ANKDD1A: variants seen among roughly 807,000 people sequenced by gnomAD.
ANKDD1A encodes ankyrin repeat and death domain-containing protein 1A.
A neutral mutation model predicts 63.5 loss-of-function variants in ANKDD1A; 59 were observed. The ratio of observed to expected loss-of-function variants is 0.93; its 90% CI spans 0.75 to 1.15. The LOEUF is 1.15. Ranked by LOEUF, ANKDD1A falls within the 50% of genes most tolerant of loss-of-function variation. The pLI is 0.00. For synonymous variants in ANKDD1A, 266 were observed against 263.9 expected (o/e 1.01, Z -0.08); for missense variants, 632 against 656.4 (o/e 0.96, Z 0.41).
At chr15:64,946,889 C>T (rs2085227407) in intron 12 of ANKDD1A, among the ~76,000 whole-genome samples, 1 of 152,168 alleles carries the variant, frequency 6.6e-6, no homozygotes, top group African/African-American at 2.4e-5. Context: ...CTGTGGGCAT[C>T]ATTTATGCTA....
At chr15:64,926,542 G>T (rs1389652798) in intron 5 of ANKDD1A, among the ~76,000 whole-genome samples, 1 of 152,114 alleles carries the variant, frequency 6.6e-6, no homozygotes, top group Non-Finnish European at 1.5e-5. Flanking sequence ...TTAGGGACAG[G>T]AAAGGGCTCT....
chr15:64,937,046 G>C (rs1359417636), intron 9 of ANKDD1A, among the ~76,000 whole-genome samples: 1 of 152,134 alleles, frequency 6.6e-6, no homozygotes, highest in Non-Finnish European at 1.5e-5. Context: ...GTTTTGCCAA[G>C]TGGATTGACA....
intron 14 of ANKDD1A, among the ~76,000 whole-genome samples, chr15:64,951,944 T>C (rs1239052577): frequency 2.0e-5 from 3 of 149,396 alleles, no homozygotes; most frequent in African/African-American, 7.4e-5. Context: ...TTTCTTTTCT[T>C]CTTCTTCTTT....
chr15:64,945,221 A>G (rs748718695), intron 12 of ANKDD1A, among the ~76,000 whole-genome samples: 3 of 152,118 alleles, frequency 2.0e-5, no homozygotes, highest in Non-Finnish European at 4.4e-5. Flanking sequence ...CCAGTTAGCA[A>G]ATGGAGGTAG....
At position 64,922,010 on chromosome 15, in the gene ANKDD1A, T is replaced by C; in HGVS notation, c.357T>C (p.Cys119=). 1 of 1,614,144 alleles carries C rather than the reference T, an allele frequency of 6.2e-7. No homozygotes were observed. The highest frequency in any genetic ancestry group is 8.5e-7 in the Non-Finnish European group (1 of 1,179,994). The change falls in exon 4 of 15, where the codon TGT becomes TGC. Residue 119 remains cysteine, a synonymous_variant. Transcript: ENST00000319580. ...TAAACTCAGGGGCCAAGATCCACTG[T>C]GAGAGCAAGGTAAGGCCTCAGCTGG... ...ILVNSGAKIH[C]ESKDGLTLLH... is the part of the protein sequence containing the mutation.
intron 3 of ANKDD1A, among the ~76,000 whole-genome samples, chr15:64,921,688 T>C (rs1437380986): frequency 5.9e-5 from 9 of 152,204 alleles, no homozygotes; most frequent in Non-Finnish European, 1.3e-4. Flanking sequence ...AGCTGTCTTA[T>C]TTTTAAGTTT....
At chr15:64,942,741 C>A (rs2085194754) in intron 10 of ANKDD1A, among the ~76,000 whole-genome samples, 176 bp downstream of exon 10, 1 of 147,366 alleles carries the variant, frequency 6.8e-6, no homozygotes, top group African/African-American at 2.5e-5. Flanking sequence ...TCATTTTGTT[C>A]ATCATTCCCC....
intron 14 of ANKDD1A, among the ~76,000 whole-genome samples, chr15:64,956,278 A>G (rs1006576808): frequency 3.2e-4 from 46 of 143,862 alleles, no homozygotes; most frequent in East Asian, 1.0e-3. Flanking sequence ...GGCCGGGCGC[A>G]GTGGCTCATG....
intron 11 of ANKDD1A, 121 bp from the exon 12 acceptor site, chr15:64,944,529 GCT>G: frequency 1.2e-6 from 1 of 800,654 alleles, no homozygotes; most frequent in Non-Finnish European, 1.9e-6. Flanking sequence ...AAACCTTTCT[GCT>G]CTCAGCGTAG....
At chr15:64,953,590 T>TTC (rs2085348473) in intron 14 of ANKDD1A, among the ~76,000 whole-genome samples, 2 of 118,942 alleles carry the variant, frequency 1.7e-5, no homozygotes, top group African/African-American at 5.5e-5. Context: ...TTCTTCTTCC[T>TTC]TCTCCTTTTC....
At chr15:64,922,132 C>T in intron 4 of ANKDD1A, 113 bp downstream of exon 4, 2 of 847,350 alleles carry the variant, frequency 2.4e-6, no homozygotes, top group East Asian at 2.7e-5. Context: ...CCCAACCTGC[C>T]TCTGCCTGTC....
At chr15:64,953,663 T>TTTTTC (rs1555397895) in intron 14 of ANKDD1A, among the ~76,000 whole-genome samples, 1 of 135,452 alleles carries the variant, frequency 7.4e-6, no homozygotes, top group African/African-American at 2.8e-5. Flanking sequence ...CTTCTTTTCT[T>TTTTTC]TCTTCTCCTT....
intron 5 of ANKDD1A, 33 bp from the exon 6 acceptor site, chr15:64,926,868 A>T: frequency 6.2e-7 from 1 of 1,611,862 alleles, no homozygotes; most frequent in Non-Finnish European, 8.5e-7. Flanking sequence ...TGACAGAGTG[A>T]GGAAGGCTCA....
At chr15:64,954,173 T>TTCCTCTTC (rs1348736977) in intron 14 of ANKDD1A, among the ~76,000 whole-genome samples, 1 of 64,954 alleles carries the variant, frequency 1.5e-5, no homozygotes, top group East Asian at 1.0e-3. Flanking sequence ...CTTCTTTCTT[T>TTCCTCTTC]TCTTCTTCTT....
At chr15:64,934,266 C>T (rs761563803) in intron 9 of ANKDD1A, 32 bp downstream of exon 9, 1 of 1,587,318 alleles carries the variant, frequency 6.3e-7, no homozygotes, top group Admixed American at 1.7e-5. Flanking sequence ...AAGGGGGTCT[C>T]CATTGCAAAG....
chr15:64,951,706 A>C lies in ANKDD1A; in HGVS notation c.1483+1734A>C, dbSNP rs199586606. ...TTTCTTCTTCCTCTTCTTCTTCCTT[A>C]TTTTCTTTTTCTTCCCTTTTCTTCT... is the stretch of plus-strand genomic sequence containing the variant. On this transcript the variant is annotated intron_variant, in intron 14 of 14. Transcript: ENST00000319580. Among the ~76,000 whole-genome samples, 317 of 135,300 alleles carry C rather than the reference A, an allele frequency of 2.3e-3. 2 individuals are homozygous for C. Among genetic ancestry groups the C allele is most frequent in the East Asian group, 4.5e-3 (21 of 4,676 alleles). 88.8% of individuals were successfully genotyped at this position (135,300 alleles called of 152,430 possible). A position where few individuals can be genotyped will look rare whatever the true frequency, so the allele number is the denominator to read the frequency against.
At chr15:64,944,583 C>T (rs2085208999) in intron 11 of ANKDD1A, 69 bp from the exon 12 acceptor site, 1 of 1,420,946 alleles carries the variant, frequency 7.0e-7, no homozygotes, top group Non-Finnish European at 9.7e-7. Context: ...GGTTTGTCCT[C>T]AGTGCTAGAA....
intron 14 of ANKDD1A, among the ~76,000 whole-genome samples, chr15:64,953,143 CCTTTTTCTCCTTT>C (rs2140389976): frequency 4.6e-5 from 1 of 21,722 alleles, no homozygotes; most frequent in East Asian, 0.012. Context: ...CTTTTTTCTT[CCTTTTTCTCCTTT>C]CTTCTTTCCT....
intron 12 of ANKDD1A, 77 bp downstream of exon 12, chr15:64,944,824 C>T: frequency 1.4e-6 from 2 of 1,469,438 alleles, no homozygotes; most frequent in South Asian, 2.5e-5. Context: ...GGCTTTGAAC[C>T]CTAGGCCTGA....
Sources: gnomAD v4.1 joint callset for allele counts (sites outside exome capture counted in the v4.1 genomes callset) on GRCh38, gnomAD v4.1.1 for gene constraint, MANE v1.5 for transcripts, NCBI Gene and HGNC (gene_info 2026-07-23, HGNC 2026-07-21) for gene names.